The following COL8A1 variants were observed in gnomAD, a reference collection of about 807,000 sequenced individuals.
COL8A1 encodes collagen alpha-1(VIII) chain.
COL8A1 carries 21 observed loss-of-function variants against 42.7 expected under a neutral mutation model. That is an observed-to-expected ratio of 0.49 (90% CI 0.35 to 0.71). The LOEUF is 0.71. Ranked by LOEUF, COL8A1 falls within the 30% of genes least tolerant of loss-of-function variation. COL8A1 has a pLI of 0.01. For missense variants in COL8A1, 788 were observed against 962.4 expected (o/e 0.82, Z 2.40); for synonymous variants, 367 against 369.1 (o/e 0.99, Z 0.06).
At chr3:99,737,149 T>C (rs1011123647) in intron 1 of COL8A1, among the ~76,000 whole-genome samples, 1 of 152,250 alleles carries the variant, frequency 6.6e-6, no homozygotes, top group Non-Finnish European at 1.5e-5. Context: ...ATGGGTTTCC[T>C]GAACACAGCA....
intron 2 of COL8A1, among the ~76,000 whole-genome samples, chr3:99,785,589 AC>A (rs536486068): frequency 2.0e-4 from 30 of 152,298 alleles, no homozygotes; most frequent in African/African-American, 7.0e-4. Flanking sequence ...CATATGTTGA[AC>A]CTCAAGTACC....
In COL8A1 at chr3:99,799,032, C is replaced by G. The variant is rs1001266006; in HGVS notation, c.*2896C>G. On this transcript the variant is annotated 3_prime_UTR_variant, in exon 4 of 4. Coordinates refer to ENST00000652472, the MANE Select transcript of COL8A1 (RefSeq NM_020351.4). ...AGTTTTAATGCAGTATGACATCCCA[C>G]AGGGGAAAAGAATGTCTGTAGTGGG... 1 of 152,182 alleles carries G rather than the reference C, an allele frequency of 6.6e-6. No individual in the cohort carries two copies. Among genetic ancestry groups the G allele is most frequent in the Non-Finnish European group, 1.5e-5 (1 of 68,046 alleles). 9.4% of individuals were successfully genotyped at this position (152,182 alleles called of 1,614,324 possible).
At chr3:99,787,947 A>T (rs1381078866) in intron 2 of COL8A1, among the ~76,000 whole-genome samples, 1 of 152,100 alleles carries the variant, frequency 6.6e-6, no homozygotes, top group Admixed American at 6.6e-5. Context: ...AGAACTCACA[A>T]TATTATTGTG....
intron 1 of COL8A1, among the ~76,000 whole-genome samples, chr3:99,709,562 T>C (rs943448778): frequency 6.6e-6 from 1 of 152,190 alleles, no homozygotes; most frequent in African/African-American, 2.4e-5. Flanking sequence ...AGAAATCCTG[T>C]GTTTCAGGAA....
At chr3:99,790,637 C>T (rs1941983110) in intron 2 of COL8A1, 43 bp from the exon 3 acceptor site, 1 of 1,552,850 alleles carries the variant, frequency 6.4e-7, no homozygotes, top group South Asian at 1.1e-5. Context: ...GTCACTTGGC[C>T]TTGCAGAGTT....
chr3:99,767,690 T>G (rs148720272), intron 2 of COL8A1, among the ~76,000 whole-genome samples: 2 of 152,198 alleles, frequency 1.3e-5, no homozygotes, highest in African/African-American at 4.8e-5. Context: ...ACCCTTTCAG[T>G]TGATTACCAA....
At chr3:99,724,965 T>A (rs1940260749) in intron 1 of COL8A1, among the ~76,000 whole-genome samples, 1 of 152,092 alleles carries the variant, frequency 6.6e-6, no homozygotes, top group African/African-American at 2.4e-5. Context: ...TATTACGTGA[T>A]CTTAAATATA....
chr3:99,735,940 G>C (rs990996849), intron 1 of COL8A1, among the ~76,000 whole-genome samples: 3 of 152,052 alleles, frequency 2.0e-5, no homozygotes, highest in Non-Finnish European at 2.9e-5. Context: ...TATTTGCATA[G>C]AGGTGTTTGT....
chr3:99,645,942 C>T (rs550645579), intron 1 of COL8A1, among the ~76,000 whole-genome samples: 4 of 152,142 alleles, frequency 2.6e-5, no homozygotes, highest in South Asian at 2.1e-4. Flanking sequence ...AGGAAGCCTG[C>T]GGTGACTAGA....
chr3:99,686,542 G>T (rs1343203402), intron 1 of COL8A1, among the ~76,000 whole-genome samples: 1 of 152,124 alleles, frequency 6.6e-6, no homozygotes, highest in East Asian at 1.9e-4. Context: ...GTCTCTCAAG[G>T]CCCAGAGGCA....
intron 1 of COL8A1, among the ~76,000 whole-genome samples, chr3:99,717,581 G>A (rs555370964): frequency 5.3e-5 from 8 of 151,992 alleles, no homozygotes; most frequent in Non-Finnish European, 1.2e-4. Flanking sequence ...TAAAATGGTC[G>A]AAACTTATTT....
chr3:99,669,139 ATATATATAGAGG>A (rs1341790843), intron 1 of COL8A1, among the ~76,000 whole-genome samples: 1 of 122,626 alleles, frequency 8.2e-6, no homozygotes, highest in African/African-American at 3.0e-5. Flanking sequence ...ATATATATAT[ATATATATAGAGG>A]GAGAGAGAGA....
chr3:99,727,067 T>C (rs947189017), intron 1 of COL8A1, among the ~76,000 whole-genome samples: 2 of 152,202 alleles, frequency 1.3e-5, no homozygotes, highest in African/African-American at 4.8e-5. Flanking sequence ...CTTCCATTTC[T>C]TTGTATCCTC....
chr3:99,730,568 G>C (rs915168435), intron 1 of COL8A1, among the ~76,000 whole-genome samples: 1 of 151,992 alleles, frequency 6.6e-6, no homozygotes, highest in Non-Finnish European at 1.5e-5. Flanking sequence ...CATTCTGGAG[G>C]CTTGTATTAA....
chr3:99,712,395 T>C (rs1029011607), intron 1 of COL8A1, among the ~76,000 whole-genome samples: 2 of 152,124 alleles, frequency 1.3e-5, no homozygotes, highest in African/African-American at 4.8e-5. Flanking sequence ...TGGCAAGGCA[T>C]GTTGGCCAAG....
At chr3:99,640,100 C>T (rs377285589) in intron 1 of COL8A1, among the ~76,000 whole-genome samples, 15 of 152,108 alleles carry the variant, frequency 9.9e-5, no homozygotes, top group African/African-American at 3.6e-4. Flanking sequence ...GGATTCAATG[C>T]TGTTACTCAA....
Position 99,734,868 on chromosome 3 carries a change from C to G in COL8A1, c.-128-10029C>G, listed in dbSNP as rs530545904. Among the ~76,000 whole-genome samples, 175 of 152,228 alleles carry G rather than the reference C, an allele frequency of 1.1e-3. 1 individual carries two copies. Among genetic ancestry groups the G allele is most frequent in the African/African-American group, 4.0e-3 (168 of 41,532 alleles). The stretch of plus-strand genomic sequence containing the variant: ...TTCTCCTTGAAGAGGTCCTTCACAT[C>G]CCTTGTAAGTTGGATTCCTAGGTAT... On this transcript the variant is annotated intron_variant, in intron 1 of 3. Transcript: ENST00000652472.
chr3:99,728,161 G>A (rs1329231937), intron 1 of COL8A1, among the ~76,000 whole-genome samples: 1 of 152,028 alleles, frequency 6.6e-6, no homozygotes, highest in East Asian at 1.9e-4. Flanking sequence ...GCAGGAGAAG[G>A]AATTAAAGGG....
chr3:99,645,407 G>C (rs1266380809), intron 1 of COL8A1, among the ~76,000 whole-genome samples: 1 of 152,116 alleles, frequency 6.6e-6, no homozygotes, highest in Non-Finnish European at 1.5e-5. Flanking sequence ...AGGAAAGAAA[G>C]GGGATCTGTG....
Sources: gnomAD v4.1 joint callset for allele counts (sites outside exome capture counted in the v4.1 genomes callset) on GRCh38, gnomAD v4.1.1 for gene constraint, MANE v1.5 for transcripts, NCBI Gene and HGNC (gene_info 2026-07-23, HGNC 2026-07-21) for gene names.